The following BACH2 variants were observed in gnomAD, a reference collection of about 807,000 sequenced individuals.
BACH2 encodes transcription regulator protein BACH2.
Under a neutral mutation model 61.8 loss-of-function variants are expected in BACH2, and 5 were observed. The ratio of observed to expected loss-of-function variants is 0.08; its 90% CI spans 0.04 to 0.17. The LOEUF (loss-of-function observed/expected upper bound fraction) is 0.17, where lower values mean the gene tolerates loss of function less well. Among genes scored for constraint, BACH2 ranks in the 10% least tolerant of loss-of-function variants. The pLI is 1.00. For missense variants in BACH2, 824 were observed against 1,091.1 expected (o/e 0.76, Z 3.45); for synonymous variants, 446 against 440.1 (o/e 1.01, Z -0.17).
At chr6:90,005,005 T>A (rs755412572) in intron 6 of BACH2, among the ~76,000 whole-genome samples, 27 of 152,080 alleles carry the variant, frequency 1.8e-4, no homozygotes, top group Non-Finnish European at 3.5e-4. Context: ...GATAATTCAA[T>A]TATTCCTTGA....
intron 3 of BACH2, among the ~76,000 whole-genome samples, chr6:90,241,763 C>G (rs1263585612): frequency 1.3e-5 from 2 of 151,326 alleles, no homozygotes. Flanking sequence ...TTTTAACTGC[C>G]CGTTACTAAA....
chr6:89,996,820 T>C (rs1426588176), intron 6 of BACH2, among the ~76,000 whole-genome samples: 9 of 152,206 alleles, frequency 5.9e-5, no homozygotes, highest in African/African-American at 1.4e-4. Context: ...GATTTCTATG[T>C]TTTTCTTTTG....
intron 4 of BACH2, among the ~76,000 whole-genome samples, chr6:90,096,888 C>T (rs544773175): frequency 3.2e-4 from 49 of 152,336 alleles, no homozygotes; most frequent in African/African-American, 1.2e-3. Flanking sequence ...CCATCCACCT[C>T]GTATAAAAAT....
In BACH2 at chr6:89,986,704, T is replaced by C. The variant is rs557568657; in HGVS notation, c.243+21898A>G. ...CACCACCTCCATCTGAATTGTATAC[T>C]TGATCTTTCTGAGCTTGGCAAACAA... On this transcript the variant is annotated intron_variant, in intron 6 of 8. Coordinates refer to ENST00000257749, the MANE Select transcript of BACH2 (RefSeq NM_021813.4). Among the ~76,000 whole-genome samples, 19 of 152,312 alleles carry C rather than the reference T, an allele frequency of 1.2e-4. No individual in the cohort carries two copies. The South Asian group carries it at 3.7e-3, about 30-fold the overall frequency.
intron 4 of BACH2, among the ~76,000 whole-genome samples, chr6:90,172,706 A>T (rs1420393916): frequency 6.6e-6 from 1 of 152,196 alleles, no homozygotes; most frequent in South Asian, 2.1e-4. Flanking sequence ...ACAAAAAATA[A>T]GAAAGTTTAC....
At chr6:90,253,515 G>A (rs568023756) in intron 2 of BACH2, among the ~76,000 whole-genome samples, 2 of 152,306 alleles carry the variant, frequency 1.3e-5, no homozygotes, top group African/African-American at 4.8e-5. Flanking sequence ...ACTTCAGGAT[G>A]TTTAAGGTCT....
chr6:90,051,731 CTTAA>C (rs1261392209), intron 5 of BACH2, among the ~76,000 whole-genome samples: 1 of 151,916 alleles, frequency 6.6e-6, no homozygotes, highest in East Asian at 1.9e-4. Context: ...AAGTTAGCTT[CTTAA>C]TTTTCACTTT....
chr6:90,188,270 C>G (rs536051084), intron 4 of BACH2, among the ~76,000 whole-genome samples: 2 of 152,234 alleles, frequency 1.3e-5, no homozygotes, highest in South Asian at 4.1e-4. Flanking sequence ...TGTCAGTAGA[C>G]ACACCATGAA....
intron 7 of BACH2, among the ~76,000 whole-genome samples, chr6:89,949,030 C>A (rs974468239): frequency 7.2e-5 from 11 of 152,178 alleles, no homozygotes; most frequent in Admixed American, 5.2e-4. Flanking sequence ...TTTCAAAACA[C>A]GCCCAAACTA....
intron 6 of BACH2, among the ~76,000 whole-genome samples, chr6:89,979,450 C>G (rs1362929329): frequency 1.3e-5 from 2 of 152,170 alleles, no homozygotes; most frequent in Non-Finnish European, 1.5e-5. Context: ...AATGACAATA[C>G]AGTGTAACAG....
chr6:89,947,279 G>A (rs2128355883), intron 7 of BACH2, among the ~76,000 whole-genome samples: 1 of 152,234 alleles, frequency 6.6e-6, no homozygotes, highest in Non-Finnish European at 1.5e-5. Flanking sequence ...GATCTGCCTT[G>A]AGCACTATTA....
At chr6:90,020,127 A>G (rs959201193) in intron 5 of BACH2, among the ~76,000 whole-genome samples, 5 of 152,176 alleles carry the variant, frequency 3.3e-5, no homozygotes, top group Admixed American at 2.0e-4. Context: ...TGTCAGTATT[A>G]CTTTCTTCCC....
At chr6:90,286,264 G>T (rs973224491) in intron 1 of BACH2, among the ~76,000 whole-genome samples, 1 of 152,114 alleles carries the variant, frequency 6.6e-6, no homozygotes, top group Non-Finnish European at 1.5e-5. Flanking sequence ...ATATCAACAC[G>T]CTTAACATAA....
At chr6:90,048,080 G>A (rs1019166647) in intron 5 of BACH2, among the ~76,000 whole-genome samples, 3 of 152,080 alleles carry the variant, frequency 2.0e-5, no homozygotes, top group Admixed American at 6.5e-5. Flanking sequence ...TCTATGAAGT[G>A]AGGGTATAAT....
intron 5 of BACH2, among the ~76,000 whole-genome samples, chr6:90,030,446 T>C (rs1022918788): frequency 4.6e-5 from 7 of 151,978 alleles, no homozygotes; most frequent in Admixed American, 6.6e-5. Context: ...ACAACATTGA[T>C]AGACCGCTAG....
intron 3 of BACH2, among the ~76,000 whole-genome samples, chr6:90,240,451 G>A (rs1279472575): frequency 6.6e-6 from 1 of 152,100 alleles, no homozygotes; most frequent in Non-Finnish European, 1.5e-5. Context: ...TTTGGTCTAG[G>A]ATTAAATTCA....
chr6:89,956,133 G>A (rs1286824191), intron 6 of BACH2, among the ~76,000 whole-genome samples: 1 of 152,178 alleles, frequency 6.6e-6, no homozygotes, highest in African/African-American at 2.4e-5. Flanking sequence ...TGGGATAACA[G>A]TCTTGCATTT....
intron 4 of BACH2, among the ~76,000 whole-genome samples, chr6:90,139,783 C>T (rs1221491674): frequency 6.6e-6 from 1 of 152,120 alleles, no homozygotes; most frequent in African/African-American, 2.4e-5. Context: ...ACTAAGAAAT[C>T]CCTTTTAGCT....
rs962350925 is a variant in BACH2 at position 90,131,841 on chromosome 6, A to G, written c.-161-42732T>C. 2.6e-5 allele frequency among the ~76,000 whole-genome samples: 4 copies of G among 152,252 alleles called. No homozygotes were observed. In the East Asian group the frequency reaches 7.7e-4, roughly 29 times the overall value. ...GGCAAAGAGAATGCCAAGCTGAGCAAGCTGCTTTCACTCACAACTAAAAAA... is the reference window on the plus strand; with the variant it reads ...GGCAAAGAGAATGCCAAGCTGAGCAGGCTGCTTTCACTCACAACTAAAAAA... On this transcript the variant is annotated intron_variant, in intron 4 of 8. Transcript: ENST00000257749.
Sources: allele counts gnomAD v4.1 joint callset (sites outside exome capture counted in the v4.1 genomes callset), GRCh38; gene constraint gnomAD v4.1.1; transcripts MANE v1.5; gene names NCBI Gene and HGNC (gene_info 2026-07-23, HGNC 2026-07-21).